Variants in QRSL1 observed in about 807,000 individuals in gnomAD.
QRSL1 encodes glutaminyl-tRNA amidotransferase subunit QRSL1.
In QRSL1, 54 loss-of-function variants were observed where a neutral mutation model predicts 61.6. The ratio of observed to expected loss-of-function variants is 0.88; its 90% CI spans 0.70 to 1.10. QRSL1 has a LOEUF of 1.10. Among genes scored for constraint, QRSL1 ranks in the 50% least tolerant of loss-of-function variants. The probability of loss-of-function intolerance (pLI) is 0.00; values close to 1 mark genes in which losing one functional copy is unlikely to be tolerated. For synonymous variants in QRSL1, 228 were observed against 225.7 expected (o/e 1.01, Z -0.09); for missense variants, 505 against 622.6 (o/e 0.81, Z 2.01).
At chr6:106,638,556 G>A (rs1388432611) in intron 1 of QRSL1, among the ~76,000 whole-genome samples, 7 of 152,094 alleles carry the variant, frequency 4.6e-5, no homozygotes, top group Non-Finnish European at 7.4e-5. Context: ...TGTCCATCTC[G>A]GCCTCCCAAA....
In QRSL1 at chr6:106,652,499, A is replaced by C. The variant is rs1777204317; in HGVS notation, c.766A>C (p.Thr256Pro). Residue 256 changes from threonine (T) to proline (P), a missense_variant, in exon 7 of 11, where the codon ACC becomes CCC. Coordinates refer to ENST00000369046, the MANE Select transcript of QRSL1 (RefSeq NM_018292.5). ...ALAGPDPRDS[T>P]TVHEPINKPF... Reference sequence around the variant, plus strand: ...GGCCGGACCTGACCCCAGGGACTCTACCACAGTACATGAACCTATTAATAA... The same window carrying C: ...GGCCGGACCTGACCCCAGGGACTCTCCCACAGTACATGAACCTATTAATAA... The C allele has an allele frequency of 6.2e-7, 1 of 1,614,228 alleles. No homozygotes were observed. The highest frequency in any genetic ancestry group is 2.2e-5 in the East Asian group (1 of 44,890).
In QRSL1 at chr6:106,666,020, A is replaced by C; in HGVS notation, c.*18A>C. 1 of 1,608,536 alleles carries C rather than the reference A, an allele frequency of 6.2e-7. No individual in the cohort carries two copies. The highest frequency in any genetic ancestry group is 8.5e-7 in the Non-Finnish European group (1 of 1,175,464). ...AACAGTAAACATATCTTACAAATTA[A>C]AATGACTTTTAGGCTGGGTGCAGTG... On this transcript the variant is annotated 3_prime_UTR_variant, in exon 11 of 11. Transcript: ENST00000369046.
In QRSL1 at chr6:106,639,049, G is replaced by C. The variant is rs148693865; in HGVS notation, c.25-1300G>C. On this transcript the variant is annotated intron_variant, in intron 1 of 10. Coordinates refer to ENST00000369046, the MANE Select transcript of QRSL1 (RefSeq NM_018292.5). ...TGGGCAAATCACTCAAGGTTTCTGA[G>C]CTTCAGTTTCTTTATCTGTCAAATG... 1.2e-3 allele frequency among the ~76,000 whole-genome samples: 181 copies of C among 151,180 alleles called. 3 individuals carry two copies. The highest frequency in any genetic ancestry group is 4.2e-3 in the African/African-American group (174 of 41,064).
chr6:106,642,545 A>C (rs192431297), intron 3 of QRSL1: 4 of 720,770 alleles, frequency 5.5e-6, no homozygotes, highest in African/African-American at 3.4e-5. Flanking sequence ...TGCCATGTAC[A>C]TGTGAACCTA....
chr6:106,643,809 A>T (rs777304865), intron 4 of QRSL1, among the ~76,000 whole-genome samples: 4 of 152,026 alleles, frequency 2.6e-5, no homozygotes, highest in Non-Finnish European at 4.4e-5. Flanking sequence ...CCTTTCAAAG[A>T]GTAAAAGTTC....
At chr6:106,663,429 A>G (rs1777388417) in intron 10 of QRSL1, among the ~76,000 whole-genome samples, 1 of 152,246 alleles carries the variant, frequency 6.6e-6, no homozygotes, top group South Asian at 2.1e-4. Context: ...CGGGCTGTAC[A>G]GGAAGCTGAG....
At chr6:106,649,242 A>C (rs1777160061) in intron 5 of QRSL1, 41 bp downstream of exon 5, 2 of 1,569,268 alleles carry the variant, frequency 1.3e-6, no homozygotes, top group South Asian at 2.2e-5. Context: ...AACCCACCCA[A>C]ATACAAACAG....
At chr6:106,652,781 AG>A in intron 7 of QRSL1, 199 bp downstream of exon 7, 1 of 1,479,332 alleles carries the variant, frequency 6.8e-7, no homozygotes. Flanking sequence ...GACTTCAGAG[AG>A]GTTTGTGAGG....
Position 106,655,533 on chromosome 6 carries a change from A to AG in QRSL1, c.1043-81dup. 3.9e-6 allele frequency: 3 copies of AG among 778,896 alleles called. No individual in the cohort carries two copies. The African/African-American group carries it at 5.4e-5, about 14-fold the overall frequency. 48.2% of individuals were successfully genotyped at this position (778,896 alleles called of 1,614,324 possible). A position where few individuals can be genotyped will look rare whatever the true frequency, so the allele number is the denominator to read the frequency against. On this transcript the variant is annotated intron_variant, in intron 8 of 10. Coordinates refer to ENST00000369046, the MANE Select transcript of QRSL1 (RefSeq NM_018292.5). ...CCATCTCAAAAAAAAAAAAAAAAAA[A>AG]GTGAATCTAGGCCTGATTTTAGCCA... is the stretch of plus-strand genomic sequence containing the variant.
At chr6:106,664,103 T>C (rs192754487) in intron 10 of QRSL1, among the ~76,000 whole-genome samples, 20 of 152,360 alleles carry the variant, frequency 1.3e-4, no homozygotes, top group African/African-American at 4.6e-4. Flanking sequence ...AAAACTAACA[T>C]GATTGAAGAA....
At position 106,663,070 on chromosome 6, in the gene QRSL1, C is replaced by G; in HGVS notation, c.1251C>G (p.Val417=). The change falls in exon 10 of 11, where the codon GTC becomes GTG. Residue 417 remains valine (V), a synonymous_variant. Transcript: ENST00000369046. The stretch of plus-strand genomic sequence containing the variant: ...ATGCTTTTAACTCTGGAGTAGATGT[C>G]TTGCTAACTCCCACCACCTTGAGTG... ...FVNAFNSGVD[V]LLTPTTLSEA... is the part of the protein sequence containing the mutation. The G allele has an allele frequency of 1.2e-6, 2 of 1,612,834 alleles. No homozygotes were observed. Among genetic ancestry groups the G allele is most frequent in the Non-Finnish European group, 1.7e-6 (2 of 1,178,916 alleles).
intron 1 of QRSL1, among the ~76,000 whole-genome samples, chr6:106,631,609 G>A (rs1234960702): frequency 2.6e-5 from 4 of 152,138 alleles, no homozygotes; most frequent in African/African-American, 9.7e-5. Flanking sequence ...GTGTGTGGAA[G>A]GTTGCAATGG....
rs200296906 is a variant in QRSL1, at chr6:106,655,589, A to C, written c.1043-26A>C. 134 of 1,463,750 alleles carry C rather than the reference A, an allele frequency of 9.2e-5. No individual in the cohort carries two copies. In the African/African-American group the frequency reaches 1.7e-3, roughly 19 times the overall value. 90.7% of individuals were successfully genotyped at this position (1,463,750 alleles called of 1,614,324 possible). A position where few individuals can be genotyped will look rare whatever the true frequency, so the allele number is the denominator to read the frequency against. ...TTACTGACTTTACTTCCTTTCAAGTAATGTTTACCCTTTTCTTGTTTTCAG... is the reference window on the plus strand; with the variant it reads ...TTACTGACTTTACTTCCTTTCAAGTCATGTTTACCCTTTTCTTGTTTTCAG... On this transcript the variant is annotated intron_variant, in intron 8 of 10. Coordinates refer to ENST00000369046, the MANE Select transcript of QRSL1 (RefSeq NM_018292.5).
intron 9 of QRSL1, among the ~76,000 whole-genome samples, chr6:106,662,007 G>A (rs918266123): frequency 9.2e-5 from 14 of 152,070 alleles, no homozygotes; most frequent in Admixed American, 2.6e-4. Context: ...CACTGCGCCC[G>A]GCCTAGAACA....
intron 4 of QRSL1, among the ~76,000 whole-genome samples, chr6:106,646,300 A>T (rs1220716751): frequency 2.6e-5 from 4 of 152,188 alleles, no homozygotes; most frequent in Admixed American, 2.6e-4. Context: ...GTGCCTCCAG[A>T]TGTAATTGTC....
chr6:106,635,419 T>C (rs1776904694), intron 1 of QRSL1, among the ~76,000 whole-genome samples: 1 of 152,142 alleles, frequency 6.6e-6, no homozygotes, highest in African/African-American at 2.4e-5. Flanking sequence ...TTTAGCTATG[T>C]GGAGCTTGCT....
chr6:106,664,813 T>C (rs1436016704), intron 10 of QRSL1, among the ~76,000 whole-genome samples: 1 of 152,174 alleles, frequency 6.6e-6, no homozygotes, highest in African/African-American at 2.4e-5. Context: ...ATTTTTCCTT[T>C]TATCATTTTT....
At chr6:106,629,834 G>T (rs1190786136) in intron 1 of QRSL1, 129 bp downstream of exon 1, 2 of 1,121,708 alleles carry the variant, frequency 1.8e-6, no homozygotes, top group Non-Finnish European at 2.6e-6. Flanking sequence ...CTGAGTGGGG[G>T]ATAAGTACCT....
At chr6:106,642,803 A>G (rs1204652240) in intron 3 of QRSL1, 191 bp from the exon 4 acceptor site, 2 of 747,314 alleles carry the variant, frequency 2.7e-6, no homozygotes, top group Non-Finnish European at 4.9e-6. Context: ...GAAGGAAGCC[A>G]AAGAGAAAGG....
Sources: allele counts gnomAD v4.1 joint callset (sites outside exome capture counted in the v4.1 genomes callset), GRCh38; gene constraint gnomAD v4.1.1; transcripts MANE v1.5; gene names NCBI Gene and HGNC (gene_info 2026-07-23, HGNC 2026-07-21).